The following RPL5 variants were observed in gnomAD, a reference collection of about 807,000 sequenced individuals.
The protein encoded by RPL5 is large ribosomal subunit protein uL18.
A neutral mutation model predicts 38.4 loss-of-function variants in RPL5; 1 was observed. The observed-to-expected ratio is 0.03, with a 90% CI of 0.01 to 0.12. The LOEUF (loss-of-function observed/expected upper bound fraction) is 0.12. RPL5 is among the 10% of genes least tolerant of loss of function. The pLI is 1.00. For synonymous variants in RPL5, 109 were observed against 121.2 expected, an observed-to-expected ratio of 0.90 and a Z score of 0.66; for missense variants, 243 against 374.1, an observed-to-expected ratio of 0.65 and a Z score of 2.89.
chr1:92,834,353 T>TA (rs992894108), intron 3 of RPL5, among the ~76,000 whole-genome samples: 9 of 152,250 alleles, frequency 5.9e-5, no homozygotes, highest in African/African-American at 2.2e-4. Context: ...GCTCTTGTAC[T>TA]AAGAGCATTC....
Position 92,841,755 on chromosome 1 carries a change from A to G in RPL5, c.795-11A>G. 1 of 1,591,048 alleles carries G rather than the reference A, an allele frequency of 6.3e-7. No homozygotes were observed. ...TATAGTTTAAAAAATATATATTCCT[A>G]TCTTTTGTAGGTGGAACCGTCCCAA... is the stretch of plus-strand genomic sequence containing the variant. On this transcript the variant is annotated splice_polypyrimidine_tract_variant and intron_variant, in intron 7 of 7. Transcript: ENST00000370321.
intron 3 of RPL5, among the ~76,000 whole-genome samples, chr1:92,834,256 A>C (rs1687030695): frequency 6.6e-6 from 1 of 152,154 alleles, no homozygotes; most frequent in Non-Finnish European, 1.5e-5. Context: ...GGGCTTTAAG[A>C]TTGTTCTGCT....
At chr1:92,832,523 G>A (rs1395072089) in intron 1 of RPL5, among the ~76,000 whole-genome samples, 1 of 152,240 alleles carries the variant, frequency 6.6e-6, no homozygotes, top group Non-Finnish European at 1.5e-5. Context: ...CGACCTCCGA[G>A]TACCGAGTAC....
At chr1:92,834,428 T>C (rs1687036769) in intron 3 of RPL5, among the ~76,000 whole-genome samples, 1 of 152,166 alleles carries the variant, frequency 6.6e-6, no homozygotes, top group Non-Finnish European at 1.5e-5. Context: ...AGAGTTAAGA[T>C]TTATTGATAT....
rs369811492 is a variant in RPL5 at position 92,837,427 on chromosome 1, A to G, written c.528-29A>G. The G allele has an allele frequency of 3.8e-5, 60 of 1,587,280 alleles. 2 individuals are homozygous for G. The highest frequency in any genetic ancestry group is 3.3e-4 in the South Asian group (30 of 90,510). ...CTAGTAAACTAAGTTAAGTGAGTCT[A>G]TACTAAAATATGAATAACTTTATTT... On this transcript the variant is annotated intron_variant, in intron 5 of 7. Coordinates refer to ENST00000370321, the MANE Select transcript of RPL5 (RefSeq NM_000969.5).
chr1:92,835,490 TA>T (rs1293212593), intron 4 of RPL5, among the ~76,000 whole-genome samples: 1 of 146,438 alleles, frequency 6.8e-6, no homozygotes, highest in Non-Finnish European at 1.5e-5. Flanking sequence ...CTGTCTCTAC[TA>T]AAAAAGTAGA....
intron 7 of RPL5, 22 bp from the exon 8 acceptor site, chr1:92,841,744 T>TA: frequency 1.3e-6 from 2 of 1,515,222 alleles, no homozygotes; most frequent in Non-Finnish European, 1.8e-6. Context: ...GTTTAAAAAA[T>TA]ATATATTCCT....
chr1:92,833,129 C>T, intron 1 of RPL5: 2 of 674,422 alleles, frequency 3.0e-6, no homozygotes, highest in Non-Finnish European at 5.4e-6. Flanking sequence ...TAAATTGGGG[C>T]CTGCATTTTG....
At chr1:92,836,449 C>A in intron 5 of RPL5, 57 bp downstream of exon 5, 1 of 1,476,866 alleles carries the variant, frequency 6.8e-7, no homozygotes, top group Non-Finnish European at 9.5e-7. Context: ...CTGTTTTTAA[C>A]TAGTTGGACT....
At chr1:92,834,660 C>T in intron 3 of RPL5, 119 bp from the exon 4 acceptor site, 1 of 1,360,770 alleles carries the variant, frequency 7.3e-7, no homozygotes, top group East Asian at 2.3e-5. Flanking sequence ...GAGTCTTAAG[C>T]ATTTTAAGTG....
intron 5 of RPL5, 39 bp downstream of exon 5, chr1:92,836,431 G>T (rs1329875781): frequency 1.3e-6 from 2 of 1,572,620 alleles, no homozygotes; most frequent in Non-Finnish European, 1.8e-6. Context: ...CTGGACCGTG[G>T]TACTTCCCTG....
intron 3 of RPL5, among the ~76,000 whole-genome samples, chr1:92,834,474 ATAGT>A (rs968938648): frequency 7.9e-5 from 12 of 152,276 alleles, no homozygotes; most frequent in African/African-American, 2.6e-4. Flanking sequence ...TCCTGGGCAA[ATAGT>A]TTGTTGATTG....
At chr1:92,838,472 TTTTCAGAC>T (rs1411358014) in intron 6 of RPL5, among the ~76,000 whole-genome samples, 2 of 152,230 alleles carry the variant, frequency 1.3e-5, no homozygotes, top group African/African-American at 4.8e-5. Flanking sequence ...TGCTCAGAAC[TTTTCAGAC>T]TCCCAGTTTG....
At position 92,839,031 on chromosome 1, in the gene RPL5, CTTTT is replaced by C. The variant is rs35078348; in HGVS notation, c.705+1414_705+1417del. Among the ~76,000 whole-genome samples, 12 of 118,284 alleles carry C rather than the reference CTTTT, an allele frequency of 1.0e-4. No individual in the cohort carries two copies. In the East Asian group the frequency reaches 1.6e-3, roughly 16 times the overall value. The allele number at this position is 118,284 out of a possible 152,430, so 77.6% of individuals were successfully genotyped here. A position where few individuals can be genotyped will look rare whatever the true frequency, so the allele number is the denominator to read the frequency against. On this transcript the variant is annotated intron_variant, in intron 6 of 7. Transcript: ENST00000370321. ...TTATTAGATATTCAGAGAGTTGCAGCTTTTTTTTTTTTTTTTTTTCAGTGAGTTT... is the reference window on the plus strand; with the variant it reads ...TTATTAGATATTCAGAGAGTTGCAGCTTTTTTTTTTTTTTTCAGTGAGTTT...
intron 5 of RPL5, chr1:92,836,665 A>G: frequency 2.4e-6 from 1 of 423,414 alleles, no homozygotes; most frequent in Non-Finnish European, 4.4e-6. Context: ...CATATGACTT[A>G]ATTCTTATTA....
chr1:92,841,324 C>A (rs1351225210), intron 7 of RPL5, among the ~76,000 whole-genome samples: 1 of 149,488 alleles, frequency 6.7e-6, no homozygotes, highest in African/African-American at 2.4e-5. Context: ...TTCTCCACTT[C>A]ATTCATGTTG....
intron 6 of RPL5, among the ~76,000 whole-genome samples, chr1:92,838,308 A>G (rs4847222): frequency 0.86 from 130,658 of 152,206 alleles, 56,539 homozygotes; most frequent in East Asian, 0.96. Context: ...TTTTTTATCA[A>G]TAATGTAGGT....
chr1:92,833,750 T>G, intron 3 of RPL5, 90 bp downstream of exon 3: 5 of 997,852 alleles, frequency 5.0e-6, no homozygotes, highest in Non-Finnish European at 7.9e-6. Flanking sequence ...TTAGAAGGGC[T>G]GTCTAGCACC....
In RPL5 at chr1:92,832,089, G is replaced by C; in HGVS notation, c.-26G>C. On this transcript the variant is annotated 5_prime_UTR_variant, in exon 1 of 8. Transcript: ENST00000370321. ...TGGGCCTGCAGGTCTCTGTCGAGCA[G>C]CGGACGCCGGTCTCTGTTCCGCAGG... The C allele has an allele frequency of 6.2e-7, 1 of 1,614,008 alleles. No homozygotes were observed. Among genetic ancestry groups the C allele is most frequent in the South Asian group, 1.1e-5 (1 of 91,056 alleles).
Sources: allele counts gnomAD v4.1 joint callset (sites outside exome capture counted in the v4.1 genomes callset), GRCh38; gene constraint gnomAD v4.1.1; transcripts MANE v1.5; gene names NCBI Gene and HGNC (gene_info 2026-07-23, HGNC 2026-07-21).